GZMM: variants seen among roughly 807,000 people sequenced by gnomAD.
The protein encoded by GZMM is HU-Met-1.
GZMM carries 23 observed loss-of-function variants against 19.2 expected under a neutral mutation model. The ratio of observed to expected loss-of-function variants is 1.20; its 90% confidence interval spans 0.86 to 1.69. GZMM has a LOEUF of 1.69. GZMM is among the 40% of genes most tolerant of loss of function. GZMM has a pLI of 0.00. For synonymous variants in GZMM, 178 were observed against 160.2 expected (o/e 1.11, Z -0.84); for missense variants, 373 against 352.2 (o/e 1.06, Z -0.47).
intron 1 of GZMM, among the ~76,000 whole-genome samples, chr19:545,555 C>G (rs989260948): frequency 1.1e-4 from 16 of 152,096 alleles, no homozygotes; most frequent in Admixed American, 9.2e-4. Context: ...CCGTGTTGGT[C>G]AGGCTGGTCT....
Position 549,874 on chromosome 19 carries a change from TGGGA to T in GZMM, c.*88_*91del. The T allele has an allele frequency of 1.5e-5, 7 of 458,534 alleles. No homozygotes were observed. The highest frequency in any genetic ancestry group is 5.8e-5 in the East Asian group (1 of 17,212). 28.4% of individuals were successfully genotyped at this position (458,534 alleles called of 1,614,324 possible). ...GTGCAGTGGGGTGGGTGAGGACGGG[TGGGA>T]GGGACAGGGAGGGACCAATAAATCA... On this transcript the variant is annotated 3_prime_UTR_variant, in exon 5 of 5. Coordinates refer to ENST00000264553, the MANE Select transcript of GZMM (RefSeq NM_005317.4).
At chr19:544,593 CAG>C (rs895303015) in intron 1 of GZMM, among the ~76,000 whole-genome samples, 24 of 152,202 alleles carry the variant, frequency 1.6e-4, no homozygotes, top group African/African-American at 3.9e-4. Flanking sequence ...GACTGAGTGA[CAG>C]GGGCTCTTGA....
chr19:549,425 G>C (rs1292748237), intron 4 of GZMM, among the ~76,000 whole-genome samples: 1 of 152,234 alleles, frequency 6.6e-6, no homozygotes, highest in Non-Finnish European at 1.5e-5. Context: ...TTCTGCTCCA[G>C]CCAAGACGGT....
chr19:544,853 C>T (rs59646288), intron 1 of GZMM, among the ~76,000 whole-genome samples: 2 of 151,178 alleles, frequency 1.3e-5, no homozygotes, highest in African/African-American at 2.4e-5. Context: ...TCCCTCCCTC[C>T]CTCCTTTCGT....
Position 548,566 on chromosome 19 carries a change from G to A in GZMM, c.237G>A (p.Leu79=). 1 of 1,613,348 alleles carries A rather than the reference G, an allele frequency of 6.2e-7. No homozygotes were observed. The highest frequency in any genetic ancestry group is 8.5e-7 in the Non-Finnish European group (1 of 1,179,658). The stretch of plus-strand genomic sequence containing the variant: ...GGATGGCCCAGCTGAGGCTGGTGCT[G>A]GGGCTCCACACCCTGGACAGCCCCG... ...AQRMAQLRLV[L]GLHTLDSPGL... Residue 79 remains leucine, a synonymous_variant, in exon 3 of 5, where the codon CTG becomes CTA. Transcript: ENST00000264553.
chr19:544,961 ACCTC>A (rs1298761612), intron 1 of GZMM, among the ~76,000 whole-genome samples: 1 of 32,070 alleles, frequency 3.1e-5, no homozygotes, highest in Admixed American at 3.0e-4. Context: ...CCTCCTTTCA[ACCTC>A]CCTCCTTCCC....
chr19:545,612 G>A (rs1327010651), intron 1 of GZMM, among the ~76,000 whole-genome samples: 1 of 151,748 alleles, frequency 6.6e-6, no homozygotes, highest in East Asian at 1.9e-4. Context: ...CTCCCAAAGC[G>A]CTGGGATTAC....
chr19:545,714 G>A (rs1980252855), intron 1 of GZMM, among the ~76,000 whole-genome samples: 1 of 150,126 alleles, frequency 6.7e-6, no homozygotes, highest in Non-Finnish European at 1.5e-5. Context: ...CACGATCTCG[G>A]CTCACCACAA....
chr19:549,731 G>T lies in GZMM; in HGVS notation c.714G>T (p.Val238=). Residue 238 remains valine (V), a synonymous_variant, in exon 5 of 5, where the codon GTG becomes GTT. Coordinates refer to ENST00000264553, the MANE Select transcript of GZMM (RefSeq NM_005317.4). ...RVCTDIFKPP[V]ATAVAPYVSW... ...GCACTGACATCTTCAAGCCTCCCGT[G>T]GCCACCGCTGTGGCGCCTTACGTGT... 2.5e-6 allele frequency: 4 copies of T among 1,613,742 alleles called. No individual in the cohort carries two copies. Among genetic ancestry groups the T allele is most frequent in the Non-Finnish European group, 3.4e-6 (4 of 1,179,900 alleles).
intron 1 of GZMM, 31 bp downstream of exon 1, chr19:544,157 C>T (rs2145856651): frequency 2.0e-6 from 3 of 1,537,580 alleles, no homozygotes; most frequent in Non-Finnish European, 1.8e-6. Flanking sequence ...AGGGGGGACA[C>T]TGAGGCCCAG....
chr19:544,861 C>T (rs907089374), intron 1 of GZMM, among the ~76,000 whole-genome samples: 4 of 150,310 alleles, frequency 2.7e-5, no homozygotes, highest in Admixed American at 6.6e-5. Context: ...TCCCTCCTTT[C>T]GTTCCCCCTT....
chr19:549,127 G>T lies in GZMM; in HGVS notation c.554G>T (p.Ser185Ile). The change falls in exon 4 of 5, where the codon AGC becomes ATC. Residue 185 changes from serine to isoleucine, a missense_variant. Transcript: ENST00000264553. The part of the protein sequence containing the change: ...MCNNSRFWNG[S>I]LSPSMVCLAA... ...AACAACAGCCGCTTCTGGAACGGCAGCCTCTCCCCCAGCATGGTCTGCCTG... is the reference window on the plus strand; with the variant it reads ...AACAACAGCCGCTTCTGGAACGGCATCCTCTCCCCCAGCATGGTCTGCCTG... 6.3e-7 allele frequency: 1 copy of T among 1,580,594 alleles called. No homozygotes were observed. Among genetic ancestry groups the T allele is most frequent in the Non-Finnish European group, 8.6e-7 (1 of 1,164,350 alleles).
At position 544,611 on chromosome 19, in the gene GZMM, T is replaced by TG. The variant is rs577987134; in HGVS notation, c.55+489dup. On this transcript the variant is annotated intron_variant, in intron 1 of 4. Transcript: ENST00000264553. The stretch of plus-strand genomic sequence containing the variant: ...TGAGTGACAGGGGCTCTTGATGAGT[T>TG]GGGGACCCAAGAAGATGGACAGAGG... Among the ~76,000 whole-genome samples, 191 of 152,154 alleles carry TG rather than the reference T, an allele frequency of 1.3e-3. 1 individual carries two copies. Among genetic ancestry groups the TG allele is most frequent in the Non-Finnish European group, 2.1e-3 (140 of 67,980 alleles).
intron 4 of GZMM, 32 bp from the exon 5 acceptor site, chr19:549,598 A>AGAGGCTGAGCT: frequency 6.3e-7 from 1 of 1,598,786 alleles, no homozygotes; most frequent in Non-Finnish European, 8.5e-7. Context: ...CAGCAGGTGC[A>AGAGGCTGAGCT]GAGGCTGAGC....
At position 548,669 on chromosome 19, in the gene GZMM, C is replaced by G. The variant is rs1352751309; in HGVS notation, c.340C>G (p.Leu114Val). ...CCCTGCCCTGGAGAACGACCTCGCG[C>G]TGCTTCAGGTGTGCAGGGACGGGAC... ...PVPALENDLA[L>V]LQLDGKVKPS... Residue 114 changes from leucine (L) to valine (V), a missense_variant, in exon 3 of 5, where the codon CTG (leucine) becomes GTG (valine). Transcript: ENST00000264553. The G allele has an allele frequency of 2.5e-6, 4 of 1,612,788 alleles. No homozygotes were observed. The highest frequency in any genetic ancestry group is 2.5e-6 in the Non-Finnish European group (3 of 1,179,666).
At chr19:545,214 G>A (rs1195217000) in intron 1 of GZMM, among the ~76,000 whole-genome samples, 8 of 151,904 alleles carry the variant, frequency 5.3e-5, no homozygotes, top group Non-Finnish European at 8.8e-5. Flanking sequence ...ATGAGACTGT[G>A]CAGAGCGGAG....
intron 3 of GZMM, 103 bp downstream of exon 3, chr19:548,780 C>CCCTCCCCCCGCAG (rs1980390247): frequency 1.4e-6 from 1 of 725,218 alleles, no homozygotes; most frequent in Non-Finnish European, 2.1e-6. Flanking sequence ...TCCCCCCGCA[C>CCCTCCCCCCGCAG]TGCTGCCCCT....
intron 4 of GZMM, among the ~76,000 whole-genome samples, 179 bp downstream of exon 4, chr19:549,364 G>A (rs1980424710): frequency 6.6e-6 from 1 of 152,216 alleles, no homozygotes; most frequent in African/African-American, 2.4e-5. Context: ...GCTCAGACAG[G>A]TTTAGCAACC....
At chr19:547,257 C>T (rs773452629) in intron 1 of GZMM, 23 bp from the exon 2 acceptor site, 16 of 1,488,290 alleles carry the variant, frequency 1.1e-5, no homozygotes, top group Middle Eastern at 1.8e-4. Flanking sequence ...CCCAACCTGG[C>T]TCTTTGTCCC....
Sources: gnomAD v4.1 joint callset for allele counts (sites outside exome capture counted in the v4.1 genomes callset) on GRCh38, gnomAD v4.1.1 for gene constraint, MANE v1.5 for transcripts, NCBI Gene and HGNC (gene_info 2026-07-23, HGNC 2026-07-21) for gene names.